Variants in ZZEF1 observed in about 807,000 individuals in gnomAD.
ZZEF1 encodes the protein zinc finger ZZ-type and EF-hand domain-containing protein 1.
A neutral mutation model predicts 342.8 loss-of-function variants in ZZEF1; 157 were observed. The ratio of observed to expected loss-of-function variants is 0.46; its 90% CI spans 0.40 to 0.52. ZZEF1 has a LOEUF of 0.52. Ranked by LOEUF, ZZEF1 falls within the 20% of genes least tolerant of loss-of-function variation. ZZEF1 has a pLI of 0.00. For synonymous variants in ZZEF1, 1,505 were observed against 1,429.1 expected (o/e 1.05, Z -1.20); for missense variants, 3,480 against 3,725.6 (o/e 0.93, Z 1.72).
At chr17:4,108,921 ATC>A (rs1005747659) in intron 6 of ZZEF1, among the ~76,000 whole-genome samples, 5 of 152,024 alleles carry the variant, frequency 3.3e-5, no homozygotes, top group African/African-American at 1.2e-4. Context: ...AATATTAGCA[ATC>A]TCTTTTTGGC....
At chr17:4,052,193 G>C (rs2057063522) in intron 34 of ZZEF1, 57 bp from the exon 35 acceptor site, 1 of 1,505,672 alleles carries the variant, frequency 6.6e-7, no homozygotes, top group Non-Finnish European at 8.9e-7. Context: ...AGATGGGCTA[G>C]TTTCCAAACC....
rs377103491 is a variant in ZZEF1 at position 4,034,298 on chromosome 17, A to G, written c.6307-6T>C. 1 of 1,613,790 alleles carries G rather than the reference A, an allele frequency of 6.2e-7. No individual in the cohort carries two copies. Among genetic ancestry groups the G allele is most frequent in the African/African-American group, 1.3e-5 (1 of 75,042 alleles). The stretch of plus-strand genomic sequence containing the variant: ...ATCAGGGGAACCGTGGGGCCCTGCC[A>G]AGAGAGGGAGAGAAATCTGTTCAGT... On this transcript the variant is annotated splice_region_variant and splice_polypyrimidine_tract_variant and intron_variant, in intron 39 of 54. Coordinates refer to ENST00000381638, the MANE Select transcript of ZZEF1 (RefSeq NM_015113.4).
intron 18 of ZZEF1, 35 bp downstream of exon 18, chr17:4,081,341 G>C: frequency 1.9e-6 from 3 of 1,575,702 alleles, no homozygotes; most frequent in Non-Finnish European, 2.6e-6. Flanking sequence ...CCACAAGCAT[G>C]AGACAAAGAA....
At chr17:4,127,143 CT>C (rs1024789240) in intron 1 of ZZEF1, among the ~76,000 whole-genome samples, 2 of 151,994 alleles carry the variant, frequency 1.3e-5, no homozygotes, top group Non-Finnish European at 2.9e-5. Context: ...GTAGCTGGGA[CT>C]ACAGGCGTTT....
chr17:4,009,120 AGCCAGGT>A (rs2055877817), intron 53 of ZZEF1, 166 bp from the exon 54 acceptor site: 1 of 843,262 alleles, frequency 1.2e-6, no homozygotes, highest in Non-Finnish European at 1.8e-6. Context: ...CCCTGGCGGG[AGCCAGGT>A]GCCCGGTGCC....
intron 1 of ZZEF1, among the ~76,000 whole-genome samples, chr17:4,138,078 G>T (rs2058783199): frequency 6.6e-6 from 1 of 152,186 alleles, no homozygotes; most frequent in Admixed American, 6.5e-5. Flanking sequence ...TGGGGGAAAG[G>T]TAAATTAGCT....
intron 39 of ZZEF1, among the ~76,000 whole-genome samples, chr17:4,036,809 ACACACACACTCTCTCTCTCT>A (rs1322896189): frequency 8.4e-4 from 77 of 91,466 alleles, no homozygotes; most frequent in African/African-American, 6.3e-3. Context: ...ACACACACAC[ACACACACACTCTCTCTCTCT>A]CTCTCTCTCT....
chr17:4,094,757 C>G (rs1209141744), intron 11 of ZZEF1, among the ~76,000 whole-genome samples: 8 of 152,184 alleles, frequency 5.3e-5, no homozygotes. Context: ...CAGTCAATCA[C>G]CAGGTCCTGT....
At chr17:4,025,143 A>C (rs767099917) in intron 42 of ZZEF1, 25 bp from the exon 43 acceptor site, 3 of 1,610,698 alleles carry the variant, frequency 1.9e-6, no homozygotes, top group Non-Finnish European at 1.7e-6. Flanking sequence ...CAGGCAGAAA[A>C]AGAAAGGCAC....
At chr17:4,036,802 CA>C in intron 39 of ZZEF1, among the ~76,000 whole-genome samples, 1 of 93,658 alleles carries the variant, frequency 1.1e-5, no homozygotes, top group African/African-American at 9.6e-5. Flanking sequence ...CACACACACA[CA>C]CACACACACA....
At chr17:4,079,085 G>A (rs185650329) in intron 18 of ZZEF1, among the ~76,000 whole-genome samples, 3 of 152,272 alleles carry the variant, frequency 2.0e-5, no homozygotes, top group Admixed American at 6.5e-5. Context: ...ACAATTATGC[G>A]AAATTCTCTT....
At chr17:4,025,222 C>A in intron 42 of ZZEF1, 104 bp from the exon 43 acceptor site, 1 of 1,111,186 alleles carries the variant, frequency 9.0e-7, no homozygotes, top group East Asian at 2.5e-5. Flanking sequence ...GTAGGGACTG[C>A]AGAAACATAA....
chr17:4,140,158 T>A (rs1330362071), intron 1 of ZZEF1, among the ~76,000 whole-genome samples: 1 of 152,200 alleles, frequency 6.6e-6, no homozygotes, highest in Non-Finnish European at 1.5e-5. Flanking sequence ...ACCTGGACAT[T>A]TTCATAAGGA....
At chr17:4,033,230 T>C (rs2056588390) in intron 40 of ZZEF1, 3 of 459,882 alleles carry the variant, frequency 6.5e-6, no homozygotes, top group African/African-American at 1.9e-5. Flanking sequence ...AAAATATCTA[T>C]AAAAATCACC....
intron 1 of ZZEF1, among the ~76,000 whole-genome samples, chr17:4,132,703 GCGCCTGT>G: frequency 8.6e-6 from 1 of 116,064 alleles, no homozygotes; most frequent in Non-Finnish European, 2.0e-5. Context: ...GTGGTGGCGG[GCGCCTGT>G]AATCCCAGCA....
intron 37 of ZZEF1, among the ~76,000 whole-genome samples, chr17:4,045,612 T>C (rs1378597234): frequency 6.6e-6 from 1 of 152,212 alleles, no homozygotes; most frequent in East Asian, 1.9e-4. Context: ...CTGTGGGCTG[T>C]GGGACAGAGT....
Position 4,131,485 on chromosome 17 carries a change from A to C in ZZEF1, c.355-7434T>G, listed in dbSNP as rs983377486. Among the ~76,000 whole-genome samples, 3 of 21,962 alleles carry C rather than the reference A, an allele frequency of 1.4e-4. No homozygotes were observed. The East Asian group carries it at 0.088, about 646-fold the overall frequency. The allele number at this position is 21,962 out of a possible 152,430, so 14.4% of individuals were successfully genotyped here. On this transcript the variant is annotated intron_variant, in intron 1 of 54. Coordinates refer to ENST00000381638, the MANE Select transcript of ZZEF1 (RefSeq NM_015113.4). ...CTCCAAAGAAAATAAAAAGATGTAT[A>C]AGAAAAAAAAAGGCCAGACGCAGTG...
intron 6 of ZZEF1, 129 bp from the exon 7 acceptor site, chr17:4,105,938 C>T: frequency 1.4e-6 from 1 of 702,816 alleles, no homozygotes; most frequent in South Asian, 2.0e-5. Context: ...GAAGCTGGCA[C>T]ACAATATAAA....
At chr17:4,070,036 C>T (rs2057478517) in intron 26 of ZZEF1, among the ~76,000 whole-genome samples, 1 of 152,108 alleles carries the variant, frequency 6.6e-6, no homozygotes, top group East Asian at 1.9e-4. Context: ...ACTCTCCCTC[C>T]GTGTGGGTCC....
Sources: allele counts gnomAD v4.1 joint callset (sites outside exome capture counted in the v4.1 genomes callset), GRCh38; gene constraint gnomAD v4.1.1; transcripts MANE v1.5; gene names NCBI Gene and HGNC (gene_info 2026-07-23, HGNC 2026-07-21).